Variants in RANBP17 observed in about 807,000 individuals in gnomAD.
RANBP17 encodes the protein ran-binding protein 17.
In RANBP17, 158 loss-of-function variants were observed where a neutral mutation model predicts 141.2. The observed-to-expected ratio is 1.12, with a 90% CI of 0.98 to 1.28. RANBP17 has a LOEUF of 1.28. RANBP17 is among the 50% of genes most tolerant of loss of function. RANBP17 has a pLI of 0.00. For synonymous variants in RANBP17, 430 were observed against 450.0 expected (o/e 0.96, Z 0.56); for missense variants, 1,438 against 1,290.7 (o/e 1.11, Z -1.75).
At chr5:171,105,572 G>T (rs1343108364) in intron 14 of RANBP17, among the ~76,000 whole-genome samples, 2 of 151,678 alleles carry the variant, frequency 1.3e-5, no homozygotes, top group East Asian at 3.9e-4. Context: ...GATTAGCTGA[G>T]TGGGTATGGT....
chr5:171,051,917 G>A (rs1266364450), intron 14 of RANBP17, among the ~76,000 whole-genome samples: 1 of 151,994 alleles, frequency 6.6e-6, no homozygotes, highest in African/African-American at 2.4e-5. Flanking sequence ...TCGCTTTCTT[G>A]TTGTTGTTTT....
At chr5:171,029,584 T>C (rs1781431068) in intron 14 of RANBP17, among the ~76,000 whole-genome samples, 1 of 152,130 alleles carries the variant, frequency 6.6e-6, no homozygotes, top group Admixed American at 6.6e-5. Flanking sequence ...TTTCCTGTTC[T>C]GTATCCCACT....
chr5:170,993,758 T>C (rs912844129), intron 14 of RANBP17, among the ~76,000 whole-genome samples: 1 of 152,068 alleles, frequency 6.6e-6, no homozygotes, highest in Non-Finnish European at 1.5e-5. Context: ...CAATATACAC[T>C]GTTTTTAGAG....
intron 14 of RANBP17, among the ~76,000 whole-genome samples, chr5:171,026,969 C>G (rs1019341598): frequency 2.0e-5 from 3 of 152,066 alleles, no homozygotes; most frequent in Non-Finnish European, 4.4e-5. Context: ...GCATTAGATT[C>G]TCATAGGAGG....
At chr5:171,153,877 A>T (rs971834908) in intron 14 of RANBP17, among the ~76,000 whole-genome samples, 2 of 151,934 alleles carry the variant, frequency 1.3e-5, no homozygotes, top group Non-Finnish European at 2.9e-5. Flanking sequence ...AAAATACAAA[A>T]TTAGCCAGGC....
chr5:171,053,567 C>T (rs1313730327), intron 14 of RANBP17, among the ~76,000 whole-genome samples: 1 of 151,984 alleles, frequency 6.6e-6, no homozygotes, highest in African/African-American at 2.4e-5. Flanking sequence ...GTTTGTTGAT[C>T]ATGTTCCCTG....
chr5:171,267,620 A>AAC (rs1359955396), intron 25 of RANBP17, among the ~76,000 whole-genome samples: 1 of 152,090 alleles, frequency 6.6e-6, no homozygotes, highest in Non-Finnish European at 1.5e-5. Flanking sequence ...CAGCCTGGCC[A>AAC]ATATGGCGAA....
At chr5:171,002,740 C>T (rs924403661) in intron 14 of RANBP17, among the ~76,000 whole-genome samples, 3 of 151,824 alleles carry the variant, frequency 2.0e-5, no homozygotes, top group African/African-American at 4.8e-5. Context: ...TGGTGAGTGG[C>T]GATTAGGCCT....
intron 14 of RANBP17, among the ~76,000 whole-genome samples, chr5:171,157,886 G>A (rs1373208739): frequency 6.6e-6 from 1 of 152,216 alleles, no homozygotes; most frequent in Non-Finnish European, 1.5e-5. Flanking sequence ...TTGACAGATA[G>A]TTTGGATGAA....
At chr5:170,954,541 CA>C (rs1561926230) in intron 13 of RANBP17, among the ~76,000 whole-genome samples, 43 of 150,622 alleles carry the variant, frequency 2.9e-4, no homozygotes, top group African/African-American at 8.1e-4. Context: ...CACACACACA[CA>C]CACCCCAACC....
At chr5:170,976,541 A>C (rs936015815) in intron 14 of RANBP17, among the ~76,000 whole-genome samples, 2 of 152,178 alleles carry the variant, frequency 1.3e-5, no homozygotes, top group Non-Finnish European at 2.9e-5. Context: ...AATCTTGGCC[A>C]AGAACAAAGT....
chr5:171,246,581 T>C (rs1765230431), intron 24 of RANBP17, among the ~76,000 whole-genome samples: 1 of 152,250 alleles, frequency 6.6e-6, no homozygotes, highest in African/African-American at 2.4e-5. Context: ...AAATTCTGTC[T>C]TCTATTATTA....
At chr5:171,052,185 T>C (rs1782996944) in intron 14 of RANBP17, among the ~76,000 whole-genome samples, 1 of 152,192 alleles carries the variant, frequency 6.6e-6, no homozygotes, top group South Asian at 2.1e-4. Flanking sequence ...TGCAAATATG[T>C]TCTCCCTTTT....
At chr5:170,997,479 A>G (rs939693352) in intron 14 of RANBP17, among the ~76,000 whole-genome samples, 1 of 152,192 alleles carries the variant, frequency 6.6e-6, no homozygotes, top group Non-Finnish European at 1.5e-5. Flanking sequence ...AACTGGTCCA[A>G]AAGTTCTTCC....
At chr5:171,282,955 C>G (rs539439590) in intron 25 of RANBP17, among the ~76,000 whole-genome samples, 5 of 152,234 alleles carry the variant, frequency 3.3e-5, no homozygotes, top group African/African-American at 1.2e-4. Flanking sequence ...ATGTAATCAC[C>G]CTCATCTGCC....
At chr5:171,258,377 T>A (rs890039620) in intron 24 of RANBP17, among the ~76,000 whole-genome samples, 1 of 152,134 alleles carries the variant, frequency 6.6e-6, no homozygotes, top group Admixed American at 6.5e-5. Context: ...AATTTTTTTT[T>A]AAATCCTAAA....
At chr5:171,269,150 T>C (rs946263590) in intron 25 of RANBP17, among the ~76,000 whole-genome samples, 1 of 152,214 alleles carries the variant, frequency 6.6e-6, no homozygotes, top group Non-Finnish European at 1.5e-5. Flanking sequence ...TTATATCATC[T>C]TGAGTGCCTC....
chr5:170,948,071 G>C (rs943243468), intron 12 of RANBP17, among the ~76,000 whole-genome samples: 14 of 152,134 alleles, frequency 9.2e-5, no homozygotes, highest in Admixed American at 2.0e-4. Flanking sequence ...GGATATCTTG[G>C]TAAGGTCTGA....
At chr5:171,192,493 G>A (rs1233279491) in intron 18 of RANBP17, among the ~76,000 whole-genome samples, 1 of 151,924 alleles carries the variant, frequency 6.6e-6, no homozygotes, top group Non-Finnish European at 1.5e-5. Context: ...TTTTTTTTCC[G>A]GGAACTAAAA....
Sources: gnomAD v4.1 joint callset for allele counts (sites outside exome capture counted in the v4.1 genomes callset) on GRCh38, gnomAD v4.1.1 for gene constraint, MANE v1.5 for transcripts, NCBI Gene and HGNC (gene_info 2026-07-23, HGNC 2026-07-21) for gene names.